STRA8: variants seen among roughly 807,000 people sequenced by gnomAD.
The protein encoded by STRA8 is stimulated by retinoic acid gene 8 protein homolog.
Under a neutral mutation model 37.1 loss-of-function variants are expected in STRA8, and 18 were observed. The observed-to-expected ratio is 0.48, with a 90% CI of 0.34 to 0.72. The LOEUF (loss-of-function observed/expected upper bound fraction) is 0.72, where lower values mean the gene tolerates loss of function less well. Among genes scored for constraint, STRA8 ranks in the 30% least tolerant of loss-of-function variants. The pLI, the probability that STRA8 is intolerant of heterozygous loss-of-function variation, is 0.01. For missense variants in STRA8, 357 were observed against 410.4 expected (o/e 0.87, Z 1.13); for synonymous variants, 168 against 162.9 (o/e 1.03, Z -0.24).
rs1206478436 is a variant in STRA8, at chr7:135,252,412, C to T, written c.953+543C>T. 6.6e-5 allele frequency among the ~76,000 whole-genome samples: 10 copies of T among 152,296 alleles called. No homozygotes were observed. The East Asian group carries it at 1.9e-3, about 29-fold the overall frequency. On this transcript the variant is annotated intron_variant, in intron 7 of 8. Coordinates refer to ENST00000662584, the MANE Select transcript of STRA8 (RefSeq NM_001394401.1). ...CCCCCTCACCAGGCCCCTCCTTCAA[C>T]ACATGGGGATTATAATTCAACAGGA...
At chr7:135,239,494 A>G (rs1173522292) in intron 1 of STRA8, among the ~76,000 whole-genome samples, 2 of 152,214 alleles carry the variant, frequency 1.3e-5, no homozygotes, top group Non-Finnish European at 2.9e-5. Flanking sequence ...AATTCACCAG[A>G]AACTCCAGTA....
chr7:135,255,189 T>A lies in STRA8; in HGVS notation c.1029T>A (p.Phe343Leu), dbSNP rs148959466. 1.4e-5 allele frequency: 22 copies of A among 1,614,010 alleles called. No individual in the cohort carries two copies. The African/African-American group carries it at 2.8e-4, about 21-fold the overall frequency. The change falls in exon 8 of 9, where the codon TTT becomes TTA. Residue 343 changes from phenylalanine (F) to leucine (L), a missense_variant. Physicochemically the swap from Phe to Leu is conservative, Grantham distance 22. Coordinates refer to ENST00000662584, the MANE Select transcript of STRA8 (RefSeq NM_001394401.1). Reference sequence around the variant, plus strand: ...TCTATATGCAGATCATCAACTTTTTTAAAGGCCTTAGCTGTGCAAACACTC... The same window carrying A: ...TCTATATGCAGATCATCAACTTTTTAAAAGGCCTTAGCTGTGCAAACACTC... ...FQLYMQIINFFKGLSCANTQV... is the reference protein window; with the variant it reads ...FQLYMQIINFLKGLSCANTQV...
At chr7:135,243,193 C>T (rs1832493259) in intron 3 of STRA8, 133 bp from the exon 4 acceptor site, 5 of 818,318 alleles carry the variant, frequency 6.1e-6, no homozygotes, top group Non-Finnish European at 7.7e-6. Flanking sequence ...AAAAACTGGA[C>T]CCTGGTCTCC....
At chr7:135,248,886 C>T (rs73446224) in intron 6 of STRA8, among the ~76,000 whole-genome samples, 5,155 of 152,242 alleles carry the variant, frequency 0.034, 270 homozygotes, top group African/African-American at 0.12. Flanking sequence ...ATGGGTCCAC[C>T]AGACTGTGGC....
chr7:135,237,787 G>A (rs1031502457), intron 1 of STRA8, among the ~76,000 whole-genome samples: 1 of 152,076 alleles, frequency 6.6e-6, no homozygotes, highest in Admixed American at 6.5e-5. Context: ...AGCTACTCAG[G>A]AGGCTGAGGC....
rs758769543 is a variant in STRA8 at position 135,246,541 on chromosome 7, G to A, written c.718G>A (p.Glu240Lys). The change falls in exon 6 of 9, where the codon GAG becomes AAG. Residue 240 changes from glutamate to lysine, a missense_variant. By Grantham distance (56) the Glu-to-Lys change is moderately conservative. Transcript: ENST00000662584. The surrounding 1 kb of genome is among the most constrained non-coding windows in gnomAD (Gnocchi z 5.4). The stretch of plus-strand genomic sequence containing the variant: ...CCACCTGTGGCAGAACCTCTCGGAG[G>A]AGAGGAAGGCCAGCCTCCGGCAGGC... ...ISHLWQNLSE[E>K]RKASLRQAWA... 3 of 1,573,048 alleles carry A rather than the reference G, an allele frequency of 1.9e-6. No individual in the cohort carries two copies. The highest frequency in any genetic ancestry group is 1.8e-5 in the Admixed American group (1 of 54,502).
upstream of STRA8, among the ~76,000 whole-genome samples, chr7:135,233,231 T>A (rs1383708520): frequency 6.6e-6 from 1 of 152,184 alleles, no homozygotes; most frequent in Non-Finnish European, 1.5e-5. Context: ...TTCTTGATAT[T>A]TTAATCTGAG....
chr7:135,247,670 A>G (rs1264311468), intron 6 of STRA8, among the ~76,000 whole-genome samples: 1 of 152,254 alleles, frequency 6.6e-6, no homozygotes, highest in Admixed American at 6.5e-5. Context: ...AAAGGCCGTC[A>G]GTTCCCACCC....
chr7:135,254,788 G>C (rs998917617), intron 7 of STRA8, among the ~76,000 whole-genome samples: 4 of 152,208 alleles, frequency 2.6e-5, no homozygotes, highest in African/African-American at 7.2e-5. Context: ...TGCCTCAGCA[G>C]CCACAGTGGA....
At chr7:135,255,276 C>G in intron 8 of STRA8, 51 bp downstream of exon 8, 1 of 1,427,804 alleles carries the variant, frequency 7.0e-7, no homozygotes, top group Non-Finnish European at 9.8e-7. Context: ...GCTTAGATAG[C>G]AAAAAGGGCT....
intron 6 of STRA8, among the ~76,000 whole-genome samples, chr7:135,251,034 T>A (rs1832628119): frequency 1.3e-5 from 2 of 152,208 alleles, no homozygotes; most frequent in South Asian, 4.1e-4. Context: ...AATGGATATC[T>A]GGGTGGGATT....
chr7:135,252,306 T>C (rs1399124220), intron 7 of STRA8, among the ~76,000 whole-genome samples: 1 of 152,086 alleles, frequency 6.6e-6, no homozygotes, highest in Admixed American at 6.6e-5. Flanking sequence ...TGCTACACAC[T>C]TTTCAAATAA....
chr7:135,244,407 G>C (rs995603468), intron 4 of STRA8, among the ~76,000 whole-genome samples: 3 of 152,160 alleles, frequency 2.0e-5, no homozygotes, highest in African/African-American at 7.2e-5. Flanking sequence ...ATTCCTCTAA[G>C]TATAAAGAGA....
upstream of STRA8, among the ~76,000 whole-genome samples, chr7:135,233,691 T>C (rs1832324728): frequency 6.6e-6 from 1 of 151,662 alleles, no homozygotes. Context: ...CTTGTAACAC[T>C]GTTTCTTCCA....
At chr7:135,252,322 T>A (rs946012615) in intron 7 of STRA8, among the ~76,000 whole-genome samples, 19 of 152,060 alleles carry the variant, frequency 1.2e-4, no homozygotes, top group African/African-American at 3.6e-4. Context: ...AATAACCAGA[T>A]CTTGTGAGAA....
At chr7:135,245,171 A>C (rs1479662131) in intron 4 of STRA8, 117 bp from the exon 5 acceptor site, 1 of 693,194 alleles carries the variant, frequency 1.4e-6, no homozygotes, top group Non-Finnish European at 2.7e-6. Flanking sequence ...TGATGTGTAC[A>C]CCTACACACA....
rs146917013 is a variant in STRA8, at chr7:135,256,671, G to A, written c.1065+1446G>A. 2.9e-3 allele frequency among the ~76,000 whole-genome samples: 447 copies of A among 152,292 alleles called. 1 individual carries two copies. Among genetic ancestry groups the A allele is most frequent in the African/African-American group, 0.01 (427 of 41,550 alleles). On this transcript the variant is annotated intron_variant, in intron 8 of 8. Transcript: ENST00000662584. ...AATATAAAAATTAGCTGGGTGTGGT[G>A]GTACATGCCTGTAGTCCCAGCTACT...
chr7:135,243,759 G>A (rs1389563564), intron 4 of STRA8, among the ~76,000 whole-genome samples: 1 of 152,172 alleles, frequency 6.6e-6, no homozygotes, highest in Non-Finnish European at 1.5e-5. Context: ...TTAGAGAAAT[G>A]AGCCCATAGT....
upstream of STRA8, chr7:135,231,962 C>CCTT: frequency 6.2e-7 from 1 of 1,613,040 alleles, no homozygotes; most frequent in Non-Finnish European, 8.5e-7. Flanking sequence ...CATGGCAGAG[C>CCTT]CTTCTGCCTT....
Sources: allele counts gnomAD v4.1 joint callset (sites outside exome capture counted in the v4.1 genomes callset), GRCh38; gene constraint gnomAD v4.1.1; non-coding constraint Gnocchi (gnomAD v3.1); transcripts MANE v1.5; gene names NCBI Gene and HGNC (gene_info 2026-07-23, HGNC 2026-07-21).